The following KAT6A variants were observed in gnomAD, a reference collection of about 807,000 sequenced individuals.
KAT6A encodes histone acetyltransferase KAT6A.
KAT6A carries 9 observed loss-of-function variants against 198.4 expected under a neutral mutation model. That is an observed-to-expected ratio of 0.05 (90% confidence interval 0.03 to 0.08). The LOEUF is 0.08. Among genes scored for constraint, KAT6A ranks in the 10% least tolerant of loss-of-function variants. KAT6A has a pLI of 1.00. For missense variants in KAT6A, 2,077 were observed against 2,509.9 expected (o/e 0.83, Z 3.69); for synonymous variants, 890 against 883.0 (o/e 1.01, Z -0.14).
Position 42,046,823 on chromosome 8 carries a change from T to C in KAT6A, c.600+1555A>G, listed in dbSNP as rs183299421. ...ACTTTTAATAAATGCTCAAATTACATAGAGCCATTTTATGAATGAGATTCT... is the reference window on the plus strand; with the variant it reads ...ACTTTTAATAAATGCTCAAATTACACAGAGCCATTTTATGAATGAGATTCT... On this transcript the variant is annotated intron_variant, in intron 2 of 16. Coordinates refer to ENST00000265713, the MANE Select transcript of KAT6A (RefSeq NM_006766.5). 3.5e-4 allele frequency among the ~76,000 whole-genome samples: 53 copies of C among 152,324 alleles called. No individual in the cohort carries two copies. The South Asian group carries it at 8.3e-3, about 24-fold the overall frequency.
chr8:41,991,673 T>C (rs1048934381), intron 2 of KAT6A, among the ~76,000 whole-genome samples: 2 of 152,192 alleles, frequency 1.3e-5, no homozygotes, highest in Non-Finnish European at 2.9e-5. Flanking sequence ...TGGAATATTC[T>C]TCAAGAAACA....
intron 15 of KAT6A, among the ~76,000 whole-genome samples, chr8:41,939,204 C>T (rs970734309): frequency 6.6e-6 from 1 of 152,132 alleles, no homozygotes; most frequent in African/African-American, 2.4e-5. Flanking sequence ...GCTGAGCCTC[C>T]ACTCTGAGGG....
At chr8:42,017,879 A>G (rs542290379) in intron 2 of KAT6A, among the ~76,000 whole-genome samples, 1 of 152,338 alleles carries the variant, frequency 6.6e-6, no homozygotes, top group African/African-American at 2.4e-5. Flanking sequence ...AGGTTGATCC[A>G]TCTGTTTACT....
intron 2 of KAT6A, among the ~76,000 whole-genome samples, chr8:42,036,674 G>A (rs919390821): frequency 1.3e-5 from 2 of 152,174 alleles, no homozygotes; most frequent in African/African-American, 4.8e-5. Flanking sequence ...GGAGTAGTGA[G>A]TGAGTGAGAA....
Position 41,931,167 on chromosome 8 carries a change from A to T in KAT6A, c.*1038T>A, listed in dbSNP as rs1354792666. 1 of 222,332 alleles carries T rather than the reference A, an allele frequency of 4.5e-6. No homozygotes were observed. The highest frequency in any genetic ancestry group is 6.5e-5 in the East Asian group (1 of 15,346). 13.8% of individuals were successfully genotyped at this position (222,332 alleles called of 1,614,324 possible). ...AATTTAAGAAAGAACCTAAGAGGCA[A>T]ATCACTGGGGACTGCTATTTGAGTT... On this transcript the variant is annotated 3_prime_UTR_variant, in exon 17 of 17. Coordinates refer to ENST00000265713, the MANE Select transcript of KAT6A (RefSeq NM_006766.5).
chr8:41,936,611 A>C (rs1197228690), intron 16 of KAT6A, among the ~76,000 whole-genome samples: 1 of 152,244 alleles, frequency 6.6e-6, no homozygotes, highest in Admixed American at 6.5e-5. Context: ...TCTAGAGAAG[A>C]AATGACAACT....
chr8:41,938,871 C>T (rs551158569), intron 15 of KAT6A, among the ~76,000 whole-genome samples: 1 of 151,198 alleles, frequency 6.6e-6, no homozygotes, highest in East Asian at 1.9e-4. Flanking sequence ...TGCTTGCATC[C>T]CAGGAGGTGG....
chr8:42,047,358 A>G (rs973146410), intron 2 of KAT6A, among the ~76,000 whole-genome samples: 2 of 152,192 alleles, frequency 1.3e-5, no homozygotes, highest in Non-Finnish European at 2.9e-5. Context: ...ATAACATCCT[A>G]AAACACAACA....
intron 15 of KAT6A, among the ~76,000 whole-genome samples, chr8:41,939,480 C>T (rs1049166217): frequency 1.3e-5 from 2 of 152,176 alleles, no homozygotes; most frequent in Non-Finnish European, 2.9e-5. Flanking sequence ...AAGTGATCCT[C>T]CCGCCTCAGC....
At chr8:42,034,504 G>A (rs920998359) in intron 2 of KAT6A, among the ~76,000 whole-genome samples, 5 of 152,142 alleles carry the variant, frequency 3.3e-5, no homozygotes, top group African/African-American at 1.2e-4. Flanking sequence ...TGGTACTGAA[G>A]GATTTTAAGC....
In KAT6A at chr8:41,974,786, T is replaced by G. The variant is rs1198850283; in HGVS notation, c.1400A>C (p.Glu467Ala). 3 of 1,610,634 alleles carry G rather than the reference T, an allele frequency of 1.9e-6. No individual in the cohort carries two copies. The highest frequency in any genetic ancestry group is 1.7e-6 in the Non-Finnish European group (2 of 1,178,300). ...TTCCTGGCTCCCAAAAAGTCGCTCC[T>G]CATTTTCTTGTTTGCCATCCCAGCC... ...QDGWDGKQEN[E>A]ERLFGSQEIM... The change falls in exon 8 of 17, where the codon GAG becomes GCG. Residue 467 changes from glutamate (E) to alanine (A), a missense_variant. Around this residue, in one of 13 missense-constraint regions of KAT6A, gnomAD observed 206 missense variants for 214.9 expected, o/e 0.96. Coordinates refer to ENST00000265713, the MANE Select transcript of KAT6A (RefSeq NM_006766.5).
intron 2 of KAT6A, among the ~76,000 whole-genome samples, chr8:42,035,264 T>C (rs549529847): frequency 1.3e-5 from 2 of 152,208 alleles, no homozygotes; most frequent in Non-Finnish European, 2.9e-5. Context: ...TCGATGGCAA[T>C]GGCTCTTACC....
chr8:42,033,447 G>C (rs4737028), intron 2 of KAT6A, among the ~76,000 whole-genome samples: 1 of 151,946 alleles, frequency 6.6e-6, no homozygotes, highest in South Asian at 2.1e-4. Flanking sequence ...CTTCGAAACC[G>C]AGAGCTAAGT....
intron 2 of KAT6A, among the ~76,000 whole-genome samples, chr8:42,020,835 T>C (rs1247220880): frequency 6.6e-6 from 1 of 152,150 alleles, no homozygotes; most frequent in African/African-American, 2.4e-5. Flanking sequence ...CAGTGCTTAA[T>C]TACATTACAG....
chr8:42,007,063 T>C (rs1393553429), intron 2 of KAT6A, among the ~76,000 whole-genome samples: 1 of 150,338 alleles, frequency 6.7e-6, no homozygotes, highest in Non-Finnish European at 1.5e-5. Flanking sequence ...TTTTTCATAA[T>C]ACTGTATCTC....
chr8:41,983,974 C>T (rs1824483510), intron 3 of KAT6A, among the ~76,000 whole-genome samples: 1 of 152,188 alleles, frequency 6.6e-6, no homozygotes, highest in South Asian at 2.1e-4. Flanking sequence ...GAAATGTAAA[C>T]ATGTTCTTTA....
chr8:41,932,916 G>A lies in KAT6A; in HGVS notation c.5304C>T (p.Ala1768=). 6.2e-7 allele frequency: 1 copy of A among 1,614,164 alleles called. No individual in the cohort carries two copies. Reference sequence around the variant, plus strand: ...CAGCAGGAGAATGGCTATAAGGCATGGCATGAGGGTCCATAATGGTGTTGG... The same window carrying A: ...CAGCAGGAGAATGGCTATAAGGCATAGCATGAGGGTCCATAATGGTGTTGG... ...QLTNTIMDPH[A]MPYSHSPAVT... is the part of the protein sequence containing the mutation. Residue 1768 remains alanine, a synonymous_variant, in exon 17 of 17, where the codon GCC becomes GCT. Coordinates refer to ENST00000265713, the MANE Select transcript of KAT6A (RefSeq NM_006766.5).
chr8:42,048,461 C>A lies in KAT6A; in HGVS notation c.517G>T (p.Ala173Ser). ...DGPLYRLNTK[A>S]TNVDGKESCE... ...CTCTCTTTCCCATCCACGTTGGTTG[C>A]TTTAGTGTTGAGCCGATAAAGAGGT... The change falls in exon 2 of 17, where the codon GCA becomes TCA. Residue 173 changes from alanine to serine, a missense_variant. Around this residue, in one of 13 missense-constraint regions of KAT6A, gnomAD observed 185 missense variants for 185.7 expected, o/e 1.00. Transcript: ENST00000265713. 1 of 1,614,126 alleles carries A rather than the reference C, an allele frequency of 6.2e-7. No individual in the cohort carries two copies. Among genetic ancestry groups the A allele is most frequent in the Non-Finnish European group, 8.5e-7 (1 of 1,180,006 alleles).
At chr8:41,946,525 C>CACACACACAT in intron 12 of KAT6A, 66 bp downstream of exon 12, 1 of 785,232 alleles carries the variant, frequency 1.3e-6, no homozygotes, top group South Asian at 1.4e-5. Context: ...CACACACACA[C>CACACACACAT]ACACACACAC....
Sources: allele counts gnomAD v4.1 joint callset (sites outside exome capture counted in the v4.1 genomes callset), GRCh38; gene constraint gnomAD v4.1.1; regional missense constraint gnomAD v4.1.1; transcripts MANE v1.5; gene names NCBI Gene and HGNC (gene_info 2026-07-23, HGNC 2026-07-21).